Variants in CGNL1 observed in about 807,000 individuals in gnomAD.
CGNL1 encodes cingulin-like protein 1.
In CGNL1, 132 loss-of-function variants were observed where a neutral mutation model predicts 141.2. That is an observed-to-expected ratio of 0.93 (90% CI 0.81 to 1.08). The LOEUF (loss-of-function observed/expected upper bound fraction) is 1.08. Ranked by LOEUF, CGNL1 falls within the 50% of genes least tolerant of loss-of-function variation. The pLI is 0.00. For synonymous variants in CGNL1, 690 were observed against 622.1 expected, an observed-to-expected ratio of 1.11 and a Z score of -1.63; for missense variants, 1,870 against 1,588.6, an observed-to-expected ratio of 1.18 and a Z score of -3.01.
rs184424845 is a variant in CGNL1, at chr15:57,546,068, C to T, written c.3610-8C>T. 102 of 1,610,198 alleles carry T rather than the reference C, an allele frequency of 6.3e-5. No homozygotes were observed. The highest frequency in any genetic ancestry group is 1.3e-4 in the East Asian group (6 of 44,854). On this transcript the variant is annotated splice_polypyrimidine_tract_variant and splice_region_variant and intron_variant, in intron 17 of 18. Coordinates refer to ENST00000281282, the MANE Select transcript of CGNL1 (RefSeq NM_032866.5). The stretch of plus-strand genomic sequence containing the variant: ...CCGGCACTCAGCCCACATTCTCTCC[C>T]GGTGCAGCTGAGCTTGCGTTTGAAA...
At chr15:57,389,557 G>A (rs1664458) in intron 1 of CGNL1, among the ~76,000 whole-genome samples, 27 of 152,110 alleles carry the variant, frequency 1.8e-4, no homozygotes, top group African/African-American at 6.0e-4. Flanking sequence ...AAAAAGACAC[G>A]TGCAGGAGTT....
At chr15:57,403,935 A>G (rs1277565231) in intron 1 of CGNL1, among the ~76,000 whole-genome samples, 1 of 152,180 alleles carries the variant, frequency 6.6e-6, no homozygotes, top group African/African-American at 2.4e-5. Context: ...CAAGCCTTCC[A>G]TAGAGGAAAG....
intron 8 of CGNL1, among the ~76,000 whole-genome samples, chr15:57,498,721 T>C (rs1257276329): frequency 6.6e-6 from 1 of 151,954 alleles, no homozygotes. Flanking sequence ...TTTGACCTCA[T>C]TTGTGTGGTC....
At chr15:57,495,513 A>C (rs1337826642) in intron 8 of CGNL1, among the ~76,000 whole-genome samples, 1 of 152,216 alleles carries the variant, frequency 6.6e-6, no homozygotes, top group African/African-American at 2.4e-5. Flanking sequence ...TGATTCAAAA[A>C]CAGCCTTTGT....
chr15:57,391,204 T>C (rs1254714018), intron 1 of CGNL1, among the ~76,000 whole-genome samples: 1 of 152,162 alleles, frequency 6.6e-6, no homozygotes, highest in East Asian at 1.9e-4. Flanking sequence ...TCTAGCAGAG[T>C]CCGGACTGGT....
intron 8 of CGNL1, among the ~76,000 whole-genome samples, chr15:57,470,121 A>G (rs2063560627): frequency 6.6e-6 from 1 of 152,174 alleles, no homozygotes. Flanking sequence ...GGGGTTTGCA[A>G]TCAGGTGCCC....
intron 8 of CGNL1, among the ~76,000 whole-genome samples, chr15:57,498,932 G>A (rs1771321855): frequency 6.6e-6 from 1 of 152,166 alleles, no homozygotes. Flanking sequence ...ACAGACATTG[G>A]GGACTGAATT....
At chr15:57,377,100 C>G (rs2152205969) in intron 1 of CGNL1, 1 of 152,398 alleles carries the variant, frequency 6.6e-6, no homozygotes, top group East Asian at 1.9e-4. Flanking sequence ...CCGCCTCACT[C>G]GGAGCACACA....
intron 8 of CGNL1, among the ~76,000 whole-genome samples, chr15:57,497,933 A>G (rs1413256113): frequency 1.3e-5 from 2 of 152,192 alleles, no homozygotes; most frequent in African/African-American, 4.8e-5. Context: ...TGTGAAAGAC[A>G]TTCTCTGTAC....
intron 1 of CGNL1, among the ~76,000 whole-genome samples, chr15:57,389,877 C>G (rs1435796761): frequency 1.1e-5 from 1 of 94,920 alleles, no homozygotes; most frequent in Non-Finnish European, 2.1e-5. Flanking sequence ...TACAGTGGTG[C>G]CACCTTGGCT....
chr15:57,395,469 T>A (rs2062592035), intron 1 of CGNL1, among the ~76,000 whole-genome samples: 1 of 152,260 alleles, frequency 6.6e-6, no homozygotes, highest in Non-Finnish European at 1.5e-5. Flanking sequence ...AATGCTGTGA[T>A]TCGCGTTATG....
At chr15:57,534,531 C>A (rs534863414) in intron 14 of CGNL1, among the ~76,000 whole-genome samples, 2 of 152,190 alleles carry the variant, frequency 1.3e-5, no homozygotes, top group South Asian at 4.1e-4. Flanking sequence ...GAAATGAAGG[C>A]TCTCTGGGGA....
chr15:57,543,780 G>T lies in CGNL1; in HGVS notation c.3375+1G>T. 1 of 1,613,216 alleles carries T rather than the reference G, an allele frequency of 6.2e-7. No individual in the cohort carries two copies. Among genetic ancestry groups the T allele is most frequent in the Non-Finnish European group, 8.5e-7 (1 of 1,179,312 alleles). On this transcript the variant is annotated splice_donor_variant, in intron 15 of 18. Coordinates refer to ENST00000281282, the MANE Select transcript of CGNL1 (RefSeq NM_032866.5). LOFTEE classifies it high-confidence loss of function. ...CGACAAGATTTCCCTGGAGAGGCAG[G>T]TGAGGGCAGCCAGCCTGTGAGCTGC...
At chr15:57,462,375 G>A (rs2063458801) in intron 8 of CGNL1, among the ~76,000 whole-genome samples, 1 of 152,174 alleles carries the variant, frequency 6.6e-6, no homozygotes. Context: ...AGTTACAAGA[G>A]GGTTAATTGG....
chr15:57,391,112 C>T (rs2062537842), intron 1 of CGNL1, among the ~76,000 whole-genome samples: 1 of 152,172 alleles, frequency 6.6e-6, no homozygotes, highest in Admixed American at 6.5e-5. Flanking sequence ...TTCAGCCAAC[C>T]AGCTCAAAAA....
intron 12 of CGNL1, among the ~76,000 whole-genome samples, chr15:57,525,672 T>C (rs1020788515): frequency 6.6e-6 from 1 of 152,120 alleles, no homozygotes; most frequent in Admixed American, 6.6e-5. Flanking sequence ...TTTTTTTCTT[T>C]AAAAAACAAA....
At chr15:57,531,667 T>C (rs2031959353) in intron 13 of CGNL1, 23 bp from the exon 14 acceptor site, 2 of 1,523,746 alleles carry the variant, frequency 1.3e-6, no homozygotes, top group Admixed American at 3.3e-5. Context: ...TTAAGTCAAC[T>C]GTGTTTGTGA....
At chr15:57,475,527 GTGTGTGTGTTTTC>G (rs1233685688) in intron 8 of CGNL1, among the ~76,000 whole-genome samples, 2 of 111,714 alleles carry the variant, frequency 1.8e-5, no homozygotes, top group African/African-American at 3.2e-5. Context: ...GTGTGTGTGT[GTGTGTGTGTTTTC>G]TTTTCTTCTC....
Position 57,439,394 on chromosome 15 carries a change from C to A in CGNL1, c.1395C>A (p.Asn465Lys). The change falls in exon 2 of 19, where the codon AAC becomes AAA. Residue 465 changes from asparagine to lysine, a missense_variant. Transcript: ENST00000281282. ...SCAHSRPPQP[N>K]IDGKVLETEG... ...CCCACTCCAGGCCTCCCCAGCCGAA[C>A]ATAGATGGGAAAGTTCTGGAAACCG... is the stretch of plus-strand genomic sequence containing the variant. 1.2e-6 allele frequency: 2 copies of A among 1,614,180 alleles called. No homozygotes were observed. Among genetic ancestry groups the A allele is most frequent in the Non-Finnish European group, 1.7e-6 (2 of 1,180,026 alleles).
Sources: gnomAD v4.1 joint callset for allele counts (sites outside exome capture counted in the v4.1 genomes callset) on GRCh38, gnomAD v4.1.1 for gene constraint, MANE v1.5 for transcripts, NCBI Gene and HGNC (gene_info 2026-07-23, HGNC 2026-07-21) for gene names.